The following SYNDIG1L variants were observed in gnomAD, a reference collection of about 807,000 sequenced individuals.
The protein encoded by SYNDIG1L is synapse differentiation-inducing gene protein 1-like.
In SYNDIG1L, 13 loss-of-function variants were observed where a neutral mutation model predicts 20.1. That is an observed-to-expected ratio of 0.65 (90% CI 0.42 to 1.03). SYNDIG1L has a LOEUF of 1.03. SYNDIG1L is among the 50% of genes least tolerant of loss of function. SYNDIG1L has a pLI of 0.00. For missense variants in SYNDIG1L, 294 were observed against 305.1 expected (o/e 0.96, Z 0.27); for synonymous variants, 128 against 129.3 (o/e 0.99, Z 0.07).
the SYNDIG1L span, among the ~76,000 whole-genome samples, chr14:74,465,334 C>T: frequency 2.0e-5 from 3 of 152,226 alleles, no homozygotes; most frequent in African/African-American, 7.2e-5. Context: ...CGAAAGGAAG[C>T]AGCTTTCATG....
chr14:74,478,085 C>T, the SYNDIG1L span, among the ~76,000 whole-genome samples: 28,939 of 152,122 alleles, frequency 0.19, 2,950 homozygotes, highest in South Asian at 0.26. Flanking sequence ...TTTTTAATTT[C>T]GATTTCTGAA....
intron 3 of SYNDIG1L, 24 bp downstream of exon 3, chr14:74,407,825 G>A: frequency 6.2e-7 from 1 of 1,603,782 alleles, no homozygotes; most frequent in Non-Finnish European, 8.5e-7. Context: ...CCAGAGAAGG[G>A]ACCTGGGCCC....
chr14:74,477,079 CACACACACA>C, the SYNDIG1L span, among the ~76,000 whole-genome samples: 1 of 124,158 alleles, frequency 8.1e-6, no homozygotes, highest in African/African-American at 3.3e-5. Context: ...CACACACACA[CACACACACA>C]CAACCCTGTC....
chr14:74,431,686 A>G, the SYNDIG1L span, among the ~76,000 whole-genome samples: 1 of 152,264 alleles, frequency 6.6e-6, no homozygotes, highest in East Asian at 1.9e-4. Context: ...CATCTGCATC[A>G]TTGTCCAAGG....
chr14:74,424,383 T>C (rs540298563), intron 1 of SYNDIG1L, among the ~76,000 whole-genome samples: 67 of 152,158 alleles, frequency 4.4e-4, no homozygotes, highest in African/African-American at 1.6e-3. Flanking sequence ...CATTCCCTCA[T>C]TTTACACCCG....
chr14:74,472,649 G>A, the SYNDIG1L span, among the ~76,000 whole-genome samples: 1 of 152,196 alleles, frequency 6.6e-6, no homozygotes, highest in East Asian at 1.9e-4. Flanking sequence ...CTATGAAAAT[G>A]TATAGCAAGG....
the SYNDIG1L span, among the ~76,000 whole-genome samples, chr14:74,455,666 T>G: frequency 6.6e-6 from 1 of 152,190 alleles, no homozygotes; most frequent in South Asian, 2.1e-4. Flanking sequence ...GTGATCTGCC[T>G]GCCTCGGCCT....
chr14:74,471,483 A>G, the SYNDIG1L span, among the ~76,000 whole-genome samples: 2 of 152,176 alleles, frequency 1.3e-5, no homozygotes, highest in East Asian at 3.9e-4. Context: ...CTGAAATCTC[A>G]GCTACTTGGG....
chr14:74,425,175 C>T (rs943456230), intron 1 of SYNDIG1L, among the ~76,000 whole-genome samples: 2 of 151,904 alleles, frequency 1.3e-5, no homozygotes, highest in African/African-American at 2.4e-5. Context: ...GCTCATTCAG[C>T]GCACTCTTGC....
intron 1 of SYNDIG1L, among the ~76,000 whole-genome samples, chr14:74,420,094 A>G (rs1217100065): frequency 6.6e-6 from 1 of 152,066 alleles, no homozygotes; most frequent in East Asian, 1.9e-4. Context: ...TTAAGAAACT[A>G]TTGTAGGAAT....
At chr14:74,472,772 G>C in the SYNDIG1L span, among the ~76,000 whole-genome samples, 4 of 152,168 alleles carry the variant, frequency 2.6e-5, no homozygotes, top group East Asian at 7.7e-4. Flanking sequence ...TTGTGGGGCA[G>C]CATTTCAGGC....
the SYNDIG1L span, among the ~76,000 whole-genome samples, chr14:74,461,132 ACAGT>A: frequency 6.6e-6 from 1 of 150,762 alleles, no homozygotes; most frequent in Non-Finnish European, 1.5e-5. Context: ...AGGGGACTAC[ACAGT>A]CAGGTTTCTC....
chr14:74,412,505 A>T (rs563098853), intron 1 of SYNDIG1L, among the ~76,000 whole-genome samples: 45 of 152,296 alleles, frequency 3.0e-4, no homozygotes, highest in Middle Eastern at 3.4e-3. Context: ...AATCAACTGT[A>T]GCACTAACAT....
At chr14:74,448,950 G>T in the SYNDIG1L span, among the ~76,000 whole-genome samples, 2 of 152,062 alleles carry the variant, frequency 1.3e-5, no homozygotes, top group Admixed American at 1.3e-4. Context: ...GAAAATTAGG[G>T]CTAGGTGCAG....
At chr14:74,453,393 A>G in the SYNDIG1L span, among the ~76,000 whole-genome samples, 1 of 61,416 alleles carries the variant, frequency 1.6e-5, no homozygotes, top group South Asian at 5.2e-4. Flanking sequence ...AAAAAAAAAG[A>G]AGAAGAAGAA....
At chr14:74,441,114 A>AGTCTAGC in the SYNDIG1L span, among the ~76,000 whole-genome samples, 2 of 152,246 alleles carry the variant, frequency 1.3e-5, no homozygotes, top group Non-Finnish European at 2.9e-5. Flanking sequence ...AAGCAGCCAC[A>AGTCTAGC]CTGCTACTGC....
chr14:74,462,603 T>A, the SYNDIG1L span, among the ~76,000 whole-genome samples: 2 of 151,494 alleles, frequency 1.3e-5, no homozygotes. Flanking sequence ...ACTCCTGGGT[T>A]CCAGTGATCC....
chr14:74,415,345 A>G (rs557808553), intron 1 of SYNDIG1L, among the ~76,000 whole-genome samples: 1 of 152,204 alleles, frequency 6.6e-6, no homozygotes, highest in African/African-American at 2.4e-5. Context: ...GACCTGTTAA[A>G]CCTGGATTGC....
At chr14:74,438,346 G>A in the SYNDIG1L span, among the ~76,000 whole-genome samples, 1 of 152,216 alleles carries the variant, frequency 6.6e-6, no homozygotes, top group South Asian at 2.1e-4. Context: ...GCTCACAGCA[G>A]TTCCAACTCC....
Sources: allele counts gnomAD v4.1 joint callset (sites outside exome capture counted in the v4.1 genomes callset), GRCh38; gene constraint gnomAD v4.1.1; transcripts MANE v1.5; gene names NCBI Gene and HGNC (gene_info 2026-07-23, HGNC 2026-07-21).